Variants in NAA20 observed in about 807,000 individuals in gnomAD.
NAA20 encodes the protein N-alpha-acetyltransferase 20, NatB catalytic subunit.
A neutral mutation model predicts 23.8 loss-of-function variants in NAA20; 24 were observed. The observed-to-expected ratio is 1.01, with a 90% CI of 0.73 to 1.42. NAA20 has a LOEUF of 1.42. Ranked by LOEUF, NAA20 falls within the 40% of genes most tolerant of loss-of-function variation. NAA20 has a pLI of 0.00. For synonymous variants in NAA20, 83 were observed against 77.7 expected (o/e 1.07, Z -0.36); for missense variants, 166 against 223.1 (o/e 0.74, Z 1.63).
intron 4 of NAA20, among the ~76,000 whole-genome samples, chr20:20,032,200 C>T (rs2043348515): frequency 6.6e-6 from 1 of 151,832 alleles, no homozygotes. Flanking sequence ...ACTTCATAAA[C>T]AGGAGAAACT....
At chr20:20,018,858 AATTGGCCC>A (rs2043249467) in intron 1 of NAA20, 1 of 985,012 alleles carries the variant, frequency 1.0e-6, no homozygotes, top group African/African-American at 1.7e-5. Context: ...AGCACAAGTG[AATTGGCCC>A]AGGTGAGAAT....
intron 1 of NAA20, among the ~76,000 whole-genome samples, chr20:20,022,084 T>TG (rs2043272096): frequency 6.6e-6 from 1 of 152,078 alleles, no homozygotes; most frequent in African/African-American, 2.4e-5. Flanking sequence ...GGAGGATCCA[T>TG]GGGGTTGGAT....
intron 1 of NAA20, chr20:20,018,927 C>G (rs184286178): frequency 1.0e-6 from 1 of 985,284 alleles, no homozygotes; most frequent in Admixed American, 6.1e-5. Context: ...AGCAGTGGTT[C>G]TGAAAGACTT....
Position 20,026,914 on chromosome 20 carries a change from A to C in NAA20, c.300A>C (p.Ser100=). The C allele has an allele frequency of 6.2e-7, 1 of 1,614,202 alleles. No homozygotes were observed. Among genetic ancestry groups the C allele is most frequent in the Non-Finnish European group, 8.5e-7 (1 of 1,180,016 alleles). ...AKLMELLEEI[S]ERKGGFFVDL... is the part of the protein sequence containing the mutation. ...TTATGGAGTTACTAGAGGAGATTTC[A>C]GAAAGGTGAGATTCAGTTTTTCAAA... The change falls in exon 4 of 6, where the codon TCA becomes TCC. Residue 100 remains serine, a synonymous_variant. Transcript: ENST00000334982.
chr20:20,017,921 T>A, intron 1 of NAA20: 1 of 1,608,976 alleles, frequency 6.2e-7, no homozygotes, highest in Non-Finnish European at 8.5e-7. Context: ...GATCGGAAGC[T>A]GGTCAGCAGC....
Position 20,033,096 on chromosome 20 carries a change from T to A in NAA20, c.452-6T>A, listed in dbSNP as rs1055596263. ...GGTGTTTATATTAAACTTTGCTTCT[T>A]TACAGATATGAGGAAAGCACTTTCC... On this transcript the variant is annotated splice_polypyrimidine_tract_variant and splice_region_variant and intron_variant, in intron 5 of 5. Transcript: ENST00000334982. 5 of 1,606,742 alleles carry A rather than the reference T, an allele frequency of 3.1e-6. No individual in the cohort carries two copies. In the African/African-American group the frequency reaches 4.0e-5, roughly 13 times the overall value.
At chr20:20,017,778 G>A (rs964978497) in intron 1 of NAA20, 2 of 1,439,468 alleles carry the variant, frequency 1.4e-6, no homozygotes, top group Non-Finnish European at 9.1e-7. Context: ...GATGGGGCGA[G>A]CTGGAGACGC....
At chr20:20,021,518 T>C (rs141108966) in intron 1 of NAA20, among the ~76,000 whole-genome samples, 1 of 152,366 alleles carries the variant, frequency 6.6e-6, no homozygotes, top group Non-Finnish European at 1.5e-5. Flanking sequence ...TTGGTAAAGG[T>C]ATTTGTGTTA....
chr20:20,021,050 G>T (rs1433475709), intron 1 of NAA20, among the ~76,000 whole-genome samples: 5 of 129,168 alleles, frequency 3.9e-5, no homozygotes, highest in Non-Finnish European at 8.3e-5. Context: ...GGGGGGGGGG[G>T]GGACTTTGGC....
rs746774048 is a variant in NAA20 at position 20,026,812 on chromosome 20, T to C, written c.198T>C (p.Ala66=). ...YIMGKAEGSV[A]REEWHGHVTA... The stretch of plus-strand genomic sequence containing the variant: ...TGGGTAAAGCAGAAGGCTCAGTAGC[T>C]AGGGAAGAATGGCACGGGCACGTCA... Residue 66 remains alanine (A), a synonymous_variant, in exon 4 of 6, where the codon GCT becomes GCC. Coordinates refer to ENST00000334982, the MANE Select transcript of NAA20 (RefSeq NM_016100.5). The C allele has an allele frequency of 1.2e-6, 2 of 1,614,196 alleles. No individual in the cohort carries two copies. Among genetic ancestry groups the C allele is most frequent in the Non-Finnish European group, 1.7e-6 (2 of 1,180,026 alleles).
Position 20,033,287 on chromosome 20 carries a change from T to A in NAA20, c.*100T>A. ...GCTCTATTAGGAGAAAAGTAATCAT[T>A]TTAGGTCTTAAAGACTTCAAGAAAA... On this transcript the variant is annotated 3_prime_UTR_variant, in exon 6 of 6. Transcript: ENST00000334982. 1 of 969,112 alleles carries A rather than the reference T, an allele frequency of 1.0e-6. No homozygotes were observed. The highest frequency in any genetic ancestry group is 1.7e-5 in the South Asian group (1 of 59,068). 60.0% of individuals were successfully genotyped at this position (969,112 alleles called of 1,614,324 possible).
intron 1 of NAA20, 118 bp downstream of exon 1, chr20:20,017,567 G>A: frequency 7.2e-7 from 1 of 1,386,870 alleles, no homozygotes; most frequent in South Asian, 1.5e-5. Flanking sequence ...GGGGACCCGC[G>A]AGAACCACCC....
rs779255256 is a variant in NAA20, at chr20:20,032,601, G to A, written c.399G>A (p.Thr133=). The part of the protein sequence containing the change: ...YKQLGYSVYR[T]VIEYYSASNG... The stretch of plus-strand genomic sequence containing the variant: ...AGTTGGGCTACAGTGTATATAGGAC[G>A]GTCATAGAGTACTATTCGGCCAGCA... Residue 133 remains threonine (T), a synonymous_variant, in exon 5 of 6, where the codon ACG becomes ACA. Transcript: ENST00000334982. 1.1e-5 allele frequency: 18 copies of A among 1,611,974 alleles called. No homozygotes were observed. Among genetic ancestry groups the A allele is most frequent in the East Asian group, 2.2e-5 (1 of 44,832 alleles).
rs764915702 is a variant in NAA20, at chr20:20,032,637, T to G, written c.435T>G (p.Pro145=). The G allele has an allele frequency of 6.2e-7, 1 of 1,603,218 alleles. No homozygotes were observed. Among genetic ancestry groups the G allele is most frequent in the Non-Finnish European group, 8.5e-7 (1 of 1,175,634 alleles). Residue 145 remains proline, a synonymous_variant, in exon 5 of 6, where the codon CCT becomes CCG. Transcript: ENST00000334982. The part of the protein sequence containing the change: ...IEYYSASNGE[P]DEDAYDMRKA... The stretch of plus-strand genomic sequence containing the variant: ...ACTATTCGGCCAGCAACGGGGAGCC[T>G]GATGAGGACGCTTATGGTAAGCTCC...
At chr20:20,017,820 C>T in intron 1 of NAA20, 1 of 1,480,038 alleles carries the variant, frequency 6.8e-7, no homozygotes, top group Non-Finnish European at 9.0e-7. Context: ...GCTTCTCGCC[C>T]TGCCCTACTG....
chr20:20,021,054 C>A (rs1359804340), intron 1 of NAA20, among the ~76,000 whole-genome samples: 3 of 78,482 alleles, frequency 3.8e-5, no homozygotes, highest in African/African-American at 1.4e-4. Flanking sequence ...GGGGGGGGGA[C>A]TTTGGCAAAG....
At chr20:20,020,707 G>A (rs1229398331) in intron 1 of NAA20, among the ~76,000 whole-genome samples, 1 of 152,192 alleles carries the variant, frequency 6.6e-6, no homozygotes, top group Non-Finnish European at 1.5e-5. Context: ...GTAAGATGGC[G>A]CCTTAGGGCA....
Position 20,022,493 on chromosome 20 carries a change from A to G in NAA20, c.78+13A>G. 1 of 1,548,770 alleles carries G rather than the reference A, an allele frequency of 6.5e-7. No homozygotes were observed. The highest frequency in any genetic ancestry group is 2.1e-5 in the Admixed American group (1 of 47,638). On this transcript the variant is annotated intron_variant, in intron 2 of 5. Coordinates refer to ENST00000334982, the MANE Select transcript of NAA20 (RefSeq NM_016100.5). ...ACTTACAGAAACTGTATCCTTTTTT[A>G]CAAAAAAAAAAAAGTTGAATGAAGA...
At chr20:20,029,434 T>C (rs2043327450) in intron 4 of NAA20, among the ~76,000 whole-genome samples, 1 of 151,812 alleles carries the variant, frequency 6.6e-6, no homozygotes, top group Non-Finnish European at 1.5e-5. Flanking sequence ...CTGGCCAACA[T>C]GGTGAAATCC....
Sources: gnomAD v4.1 joint callset for allele counts (sites outside exome capture counted in the v4.1 genomes callset) on GRCh38, gnomAD v4.1.1 for gene constraint, MANE v1.5 for transcripts, NCBI Gene and HGNC (gene_info 2026-07-23, HGNC 2026-07-21) for gene names.